Variants in RBFOX1 observed in about 807,000 individuals in gnomAD.
RBFOX1 encodes the protein RNA binding fox-1 homolog 1, also known as RNA binding protein fox-1 homolog 1.
In RBFOX1, 8 loss-of-function variants were observed where a neutral mutation model predicts 57.7. The ratio of observed to expected loss-of-function variants is 0.14; its 90% CI spans 0.08 to 0.25. The LOEUF is 0.25. Ranked by LOEUF, RBFOX1 falls within the 10% of genes least tolerant of loss-of-function variation. RBFOX1 has a pLI of 1.00. For synonymous variants in RBFOX1, 326 were observed against 222.4 expected (o/e 1.47, Z -4.15); for missense variants, 611 against 548.5 (o/e 1.11, Z -1.14).
chr16:6,933,196 G>C (rs1259824332), intron 3 of RBFOX1, among the ~76,000 whole-genome samples: 1 of 152,190 alleles, frequency 6.6e-6, no homozygotes, highest in Non-Finnish European at 1.5e-5. Flanking sequence ...ATGATGCTAT[G>C]AACGGGAGTG....
At chr16:6,553,421 T>C (rs1007286492) in intron 2 of RBFOX1, among the ~76,000 whole-genome samples, 3 of 152,160 alleles carry the variant, frequency 2.0e-5, no homozygotes, top group Non-Finnish European at 4.4e-5. Context: ...GAATGCTCTT[T>C]TTGAGATAAG....
intron 3 of RBFOX1, among the ~76,000 whole-genome samples, chr16:6,950,656 G>A (rs1277740298): frequency 6.6e-6 from 1 of 152,140 alleles, no homozygotes; most frequent in Non-Finnish European, 1.5e-5. Flanking sequence ...TCTCAAGGAT[G>A]CAGAAAGAGG....
intron 1 of RBFOX1, among the ~76,000 whole-genome samples, chr16:6,193,000 G>T (rs2097151592): frequency 6.6e-6 from 1 of 152,074 alleles, no homozygotes; most frequent in Non-Finnish European, 1.5e-5. Context: ...CCATTCATCT[G>T]ATGGCTGTGA....
At chr16:5,734,800 G>A (rs1005049202) in intron 3 of RBFOX1, among the ~76,000 whole-genome samples, 1 of 152,092 alleles carries the variant, frequency 6.6e-6, no homozygotes. Flanking sequence ...GAGCTCAGTG[G>A]GAGCTCATCC....
chr16:6,544,815 G>A (rs979099689), intron 2 of RBFOX1, among the ~76,000 whole-genome samples: 5 of 152,176 alleles, frequency 3.3e-5, no homozygotes, highest in African/African-American at 1.2e-4. Context: ...ATTAGTCAGC[G>A]AAGGGTACCC....
At chr16:5,818,563 T>A (rs1308232486) in intron 3 of RBFOX1, among the ~76,000 whole-genome samples, 1 of 152,200 alleles carries the variant, frequency 6.6e-6, no homozygotes, top group Non-Finnish European at 1.5e-5. Context: ...TTGGAGATGG[T>A]CTAAGTCCAT....
intron 3 of RBFOX1, among the ~76,000 whole-genome samples, chr16:5,737,632 T>C (rs1356583117): frequency 6.6e-6 from 1 of 151,854 alleles, no homozygotes; most frequent in Non-Finnish European, 1.5e-5. Flanking sequence ...AAATCTGTAC[T>C]TCTCACTAAG....
chr16:6,183,458 T>C (rs112078084), intron 1 of RBFOX1, among the ~76,000 whole-genome samples: 5 of 150,576 alleles, frequency 3.3e-5, no homozygotes, highest in African/African-American at 1.2e-4. Flanking sequence ...CCAGTCTGGG[T>C]GACAGAGCAA....
chr16:5,591,875 C>T (rs185731006), intron 2 of RBFOX1, among the ~76,000 whole-genome samples: 1 of 152,150 alleles, frequency 6.6e-6, no homozygotes, highest in Non-Finnish European at 1.5e-5. Context: ...GTTTAAACAG[C>T]AGACACTCGA....
At chr16:6,340,585 C>G (rs1404924920) in intron 2 of RBFOX1, among the ~76,000 whole-genome samples, 1 of 152,116 alleles carries the variant, frequency 6.6e-6, no homozygotes, top group Non-Finnish European at 1.5e-5. Context: ...CCTGACGTTG[C>G]CTTGTATTTG....
intron 4 of RBFOX1, among the ~76,000 whole-genome samples, chr16:7,176,512 C>G (rs2081681313): frequency 6.6e-6 from 1 of 152,108 alleles, no homozygotes. Flanking sequence ...CAGCTCTCCT[C>G]TTGTTTTTGT....
chr16:6,039,265 T>C lies in RBFOX1; in HGVS notation c.-127+19273T>C, dbSNP rs75236133. Among the ~76,000 whole-genome samples the C allele has an allele frequency of 3.9e-3, 591 of 151,598 alleles. 1 individual carries two copies. Among genetic ancestry groups the C allele is most frequent in the African/African-American group, 0.014 (559 of 41,260 alleles). On this transcript the variant is annotated intron_variant, in intron 1 of 15. Coordinates refer to ENST00000550418, the MANE Select transcript of RBFOX1 (RefSeq NM_018723.4). ...TCAATGTCATGGCCTCTGTCTGGCT[T>C]TCTGGATCCTTAGATGAATTGCAGT...
intron 3 of RBFOX1, among the ~76,000 whole-genome samples, chr16:6,766,493 G>T (rs925145525): frequency 6.6e-6 from 1 of 151,724 alleles, no homozygotes; most frequent in South Asian, 2.1e-4. Flanking sequence ...GGGGGAGAGG[G>T]GAATGAGAAA....
At chr16:6,747,428 C>T (rs912236016) in intron 3 of RBFOX1, among the ~76,000 whole-genome samples, 2 of 137,258 alleles carry the variant, frequency 1.5e-5, no homozygotes, top group African/African-American at 5.5e-5. Flanking sequence ...AAAAATCTAT[C>T]AGTCAGTCAG....
intron 4 of RBFOX1, among the ~76,000 whole-genome samples, chr16:7,490,131 G>A (rs2066540578): frequency 2.0e-5 from 3 of 152,158 alleles, no homozygotes; most frequent in Non-Finnish European, 1.5e-5. Flanking sequence ...GGAGGCTGCA[G>A]AACTTCCTTC....
chr16:7,477,263 G>A (rs1014344901), intron 4 of RBFOX1, among the ~76,000 whole-genome samples: 6 of 152,028 alleles, frequency 3.9e-5, no homozygotes, highest in South Asian at 2.1e-4. Context: ...TTCATCCACC[G>A]GCAATGAGAC....
chr16:5,375,085 C>CAAAAAA (rs576765968), intron 1 of RBFOX1, among the ~76,000 whole-genome samples: 4 of 37,104 alleles, frequency 1.1e-4, no homozygotes, highest in African/African-American at 4.1e-4. Flanking sequence ...TTTAAATGGC[C>CAAAAAA]AAAAAAAAAA....
At chr16:7,559,625 T>G (rs1038021715) in intron 5 of RBFOX1, among the ~76,000 whole-genome samples, 3 of 152,168 alleles carry the variant, frequency 2.0e-5, no homozygotes, top group African/African-American at 7.2e-5. Flanking sequence ...CTCTAAACAG[T>G]GATTGTGCTT....
At chr16:5,968,960 T>G (rs963325039) in intron 4 of RBFOX1, among the ~76,000 whole-genome samples, 1 of 152,108 alleles carries the variant, frequency 6.6e-6, no homozygotes, top group Non-Finnish European at 1.5e-5. Flanking sequence ...TATTTATATT[T>G]TCTCCCTTTT....
Sources: allele counts gnomAD v4.1 joint callset (sites outside exome capture counted in the v4.1 genomes callset), GRCh38; gene constraint gnomAD v4.1.1; transcripts MANE v1.5; gene names NCBI Gene and HGNC (gene_info 2026-07-23, HGNC 2026-07-21).